The following ERICH3 variants were observed in gnomAD, a reference collection of about 807,000 sequenced individuals.
The protein encoded by ERICH3 is glutamate rich 3.
Under a neutral mutation model 131.1 loss-of-function variants are expected in ERICH3, and 126 were observed. That is an observed-to-expected ratio of 0.96 (90% CI 0.83 to 1.11). The LOEUF is 1.11. ERICH3 is among the 50% of genes most tolerant of loss of function. ERICH3 has a pLI of 0.00. For synonymous variants in ERICH3, 695 were observed against 644.6 expected, an observed-to-expected ratio of 1.08 and a Z score of -1.18; for missense variants, 2,050 against 1,810.7, an observed-to-expected ratio of 1.13 and a Z score of -2.40.
At chr1:74,601,394 A>G (rs1285590107) in intron 10 of ERICH3, among the ~76,000 whole-genome samples, 1 of 152,028 alleles carries the variant, frequency 6.6e-6, no homozygotes, top group South Asian at 2.1e-4. Flanking sequence ...AGACTCTCCA[A>G]TTTTTATTGA....
intron 2 of ERICH3, among the ~76,000 whole-genome samples, chr1:74,648,602 G>A (rs1200817845): frequency 6.6e-6 from 1 of 152,118 alleles, no homozygotes; most frequent in Non-Finnish European, 1.5e-5. Context: ...GAAACCCATT[G>A]TGTTTTAAGA....
chr1:74,622,228 T>A (rs958646929), intron 7 of ERICH3: 9 of 152,146 alleles, frequency 5.9e-5, no homozygotes, highest in Non-Finnish European at 1.2e-4. Context: ...CTAGCAACCA[T>A]CTGAAAGTAT....
rs749107723 is a variant in ERICH3, at chr1:74,576,929, A to G, written c.2184T>C (p.Asp728=). The G allele has an allele frequency of 1.9e-6, 3 of 1,598,822 alleles. No homozygotes were observed. In the South Asian group the frequency reaches 3.4e-5, roughly 18 times the overall value. The part of the protein sequence containing the change: ...GLPGLEEGGK[D]SLPLAYVLAL... ...CCAGGACATAGGCTAATGGCAATGAATCCTTTCCTAGTTAAAAAAAAAAAA... is the reference window on the plus strand; with the variant it reads ...CCAGGACATAGGCTAATGGCAATGAGTCCTTTCCTAGTTAAAAAAAAAAAA... Residue 728 remains aspartate (D), a synonymous_variant, in exon 13 of 15, where the codon GAT becomes GAC. Transcript: ENST00000326665.
At chr1:74,665,672 T>C (rs1380709752) in intron 1 of ERICH3, among the ~76,000 whole-genome samples, 1 of 152,198 alleles carries the variant, frequency 6.6e-6, no homozygotes, top group African/African-American at 2.4e-5. Context: ...GGTTTGCAGA[T>C]GGCCATGTTT....
chr1:74,633,675 T>C (rs1298282000), intron 6 of ERICH3, among the ~76,000 whole-genome samples: 1 of 152,028 alleles, frequency 6.6e-6, no homozygotes, highest in African/African-American at 2.4e-5. Flanking sequence ...AATACCCTAT[T>C]ACTTAGGTAT....
intron 13 of ERICH3, among the ~76,000 whole-genome samples, chr1:74,574,271 C>A (rs2100518594): frequency 6.6e-6 from 1 of 152,084 alleles, no homozygotes; most frequent in Non-Finnish European, 1.5e-5. Context: ...AGGTGTGGGC[C>A]ACTGCACCTG....
At chr1:74,603,775 A>C (rs879771677) in intron 10 of ERICH3, among the ~76,000 whole-genome samples, 6 of 151,902 alleles carry the variant, frequency 3.9e-5, no homozygotes, top group Admixed American at 3.3e-4. Context: ...CCTTAACTAA[A>C]ATCACTTTAT....
intron 12 of ERICH3, chr1:74,578,501 A>C (rs1412792429): frequency 6.6e-6 from 1 of 152,232 alleles, no homozygotes; most frequent in Non-Finnish European, 1.5e-5. Flanking sequence ...TGTTAACAAA[A>C]GTTATTTCAA....
Position 74,573,188 on chromosome 1 carries a change from C to T in ERICH3, c.2522G>A (p.Gly841Glu). 6.2e-7 allele frequency: 1 copy of T among 1,613,262 alleles called. No homozygotes were observed. The change falls in exon 14 of 15, where the codon GGA (glycine) becomes GAA (glutamate). Residue 841 changes from glycine to glutamate, a missense_variant. Gly to Glu is a moderately conservative substitution (Grantham distance 98). Transcript: ENST00000326665. Reference protein sequence around the residue: ...IPPGIERGAEGAAEAEGVRRL... With the variant: ...IPPGIERGAEEAAEAEGVRRL... ...TCTGACCCCTTCTGCTTCTGCTGCT[C>T]CCTCTGCCCCCCTTTCTATGCCTGG...
chr1:74,605,003 C>T (rs1160499336), intron 10 of ERICH3, among the ~76,000 whole-genome samples: 1 of 151,872 alleles, frequency 6.6e-6, no homozygotes, highest in Non-Finnish European at 1.5e-5. Flanking sequence ...CAATGTAAGG[C>T]TTTTTCATCT....
chr1:74,607,387 A>C (rs769859362), intron 9 of ERICH3, among the ~76,000 whole-genome samples: 2 of 152,052 alleles, frequency 1.3e-5, no homozygotes, highest in Admixed American at 1.3e-4. Context: ...GCAAGATGCC[A>C]TTCAGTCTGA....
chr1:74,584,527 T>C (rs1349546853), intron 12 of ERICH3, among the ~76,000 whole-genome samples: 2 of 152,194 alleles, frequency 1.3e-5, no homozygotes, highest in Non-Finnish European at 2.9e-5. Context: ...CCTGTGGTCT[T>C]TCTGCAGATG....
chr1:74,619,079 T>C (rs1473598809), intron 8 of ERICH3, among the ~76,000 whole-genome samples: 1 of 152,186 alleles, frequency 6.6e-6, no homozygotes, highest in East Asian at 1.9e-4. Flanking sequence ...AATTATTGCA[T>C]CGACAGGATT....
chr1:74,574,632 T>G (rs1262261743), intron 13 of ERICH3, among the ~76,000 whole-genome samples: 1 of 152,218 alleles, frequency 6.6e-6, no homozygotes, highest in African/African-American at 2.4e-5. Context: ...ATAAATAATC[T>G]TCTTAGAGTA....
intron 14 of ERICH3, among the ~76,000 whole-genome samples, chr1:74,570,641 G>A (rs981862659): frequency 1.3e-5 from 2 of 152,102 alleles, no homozygotes; most frequent in African/African-American, 2.4e-5. Context: ...AAAACTTTGC[G>A]AAACTGCAGA....
At chr1:74,629,624 G>A (rs113971086) in intron 7 of ERICH3, among the ~76,000 whole-genome samples, 4,208 of 152,210 alleles carry the variant, frequency 0.028, 198 homozygotes, top group African/African-American at 0.097. Context: ...TCATTTTCCT[G>A]CTGGACATCC....
At chr1:74,647,332 A>T (rs1001082812) in intron 2 of ERICH3, among the ~76,000 whole-genome samples, 2 of 152,234 alleles carry the variant, frequency 1.3e-5, no homozygotes, top group African/African-American at 4.8e-5. Context: ...AAGGGCAAAC[A>T]TGCGAGCTAC....
intron 12 of ERICH3, chr1:74,579,527 G>C: frequency 1.0e-6 from 1 of 985,410 alleles, no homozygotes; most frequent in African/African-American, 1.7e-5. Context: ...GTATAGTTAG[G>C]TGTTGCCTAT....
At chr1:74,622,387 G>A (rs1015550640) in intron 7 of ERICH3, 6 of 152,222 alleles carry the variant, frequency 3.9e-5, no homozygotes, top group Non-Finnish European at 8.8e-5. Context: ...ATAATTTCTT[G>A]CAGATTAGAA....
Sources: gnomAD v4.1 joint callset for allele counts (sites outside exome capture counted in the v4.1 genomes callset) on GRCh38, gnomAD v4.1.1 for gene constraint, MANE v1.5 for transcripts, NCBI Gene and HGNC (gene_info 2026-07-23, HGNC 2026-07-21) for gene names.